The following TMTC1 variants were observed in gnomAD, a reference collection of about 807,000 sequenced individuals.
The protein encoded by TMTC1 is transmembrane O-mannosyltransferase targeting cadherins 1, also known as protein O-mannosyl-transferase TMTC1.
TMTC1 carries 73 observed loss-of-function variants against 104.8 expected under a neutral mutation model. The ratio of observed to expected loss-of-function variants is 0.70; its 90% confidence interval spans 0.58 to 0.85. The LOEUF is 0.85. Ranked by LOEUF, TMTC1 falls within the 40% of genes least tolerant of loss-of-function variation. The pLI is 0.00. For missense variants in TMTC1, 1,035 were observed against 1,096.1 expected, an observed-to-expected ratio of 0.94 and a Z score of 0.79; for synonymous variants, 434 against 428.7, an observed-to-expected ratio of 1.01 and a Z score of -0.15.
intron 5 of TMTC1, among the ~76,000 whole-genome samples, chr12:29,736,102 G>A (rs1315739952): frequency 6.6e-6 from 1 of 151,998 alleles, no homozygotes; most frequent in East Asian, 1.9e-4. Context: ...TAAGGGTGAA[G>A]CATAATTTAC....
At chr12:29,682,980 GA>G (rs1940971178) in intron 5 of TMTC1, among the ~76,000 whole-genome samples, 1 of 152,302 alleles carries the variant, frequency 6.6e-6, no homozygotes, top group South Asian at 2.1e-4. Context: ...AGGGGATAGA[GA>G]ATCTCTCTCT....
chr12:29,710,739 T>TTATATTTATAATCTAATTATATTA (rs1434255028), intron 5 of TMTC1, among the ~76,000 whole-genome samples: 7 of 139,118 alleles, frequency 5.0e-5, no homozygotes, highest in African/African-American at 1.9e-4. Flanking sequence ...TTAAACGTAT[T>TTATATTTATAATCTAATTATATTA]TATATTTATA....
chr12:29,530,564 G>A (rs1944474216), intron 11 of TMTC1, among the ~76,000 whole-genome samples: 1 of 152,162 alleles, frequency 6.6e-6, no homozygotes, highest in Admixed American at 6.5e-5. Context: ...TACTACGCAT[G>A]TGCAACCCCT....
chr12:29,694,691 G>C (rs1158114193), intron 5 of TMTC1, among the ~76,000 whole-genome samples: 3 of 152,120 alleles, frequency 2.0e-5, no homozygotes, highest in Non-Finnish European at 4.4e-5. Context: ...TGTAATCCCA[G>C]TACTTTGGGA....
intron 7 of TMTC1, 109 bp from the exon 8 acceptor site, chr12:29,583,683 G>C: frequency 1.1e-6 from 1 of 911,410 alleles, no homozygotes; most frequent in Non-Finnish European, 1.6e-6. Flanking sequence ...CTGTGCTAGA[G>C]AAACAAATAG....
At chr12:29,603,370 A>T (rs1160037902) in intron 7 of TMTC1, among the ~76,000 whole-genome samples, 1 of 151,972 alleles carries the variant, frequency 6.6e-6, no homozygotes, top group East Asian at 1.9e-4. Context: ...GAAAGTTCAT[A>T]CTTATAGAAG....
chr12:29,589,225 C>T (rs1035816964), intron 7 of TMTC1, among the ~76,000 whole-genome samples: 5 of 152,200 alleles, frequency 3.3e-5, no homozygotes, highest in Admixed American at 3.3e-4. Flanking sequence ...CTCCAGCCTA[C>T]TTTTCCCCTT....
intron 5 of TMTC1, among the ~76,000 whole-genome samples, chr12:29,747,065 C>T (rs1156541943): frequency 3.9e-5 from 6 of 152,236 alleles, no homozygotes; most frequent in African/African-American, 1.4e-4. Flanking sequence ...CAAGAACTGT[C>T]TTCAATGCCT....
rs192328153 is a variant in TMTC1 at position 29,674,455 on chromosome 12, A to G, written c.939-41119T>C. ...AACAAATGAGTAAAGGAATGCAGCTAGGATTAGTAGAGGAAAAGATTTAAT... is the reference window on the plus strand; with the variant it reads ...AACAAATGAGTAAAGGAATGCAGCTGGGATTAGTAGAGGAAAAGATTTAAT... On this transcript the variant is annotated intron_variant, in intron 5 of 17. Transcript: ENST00000539277. 6.6e-5 allele frequency among the ~76,000 whole-genome samples: 10 copies of G among 152,326 alleles called. No individual in the cohort carries two copies. In the East Asian group the frequency reaches 1.9e-3, roughly 29 times the overall value.
Position 29,751,892 on chromosome 12 carries a change from G to A in TMTC1, c.732-20C>T, listed in dbSNP as rs1438040223. ...TTGCTCCTGTTGTGCATGGAATTGA[G>A]GGAAAACAAAGTCAACCAGAATGAC... On this transcript the variant is annotated intron_variant, in intron 4 of 17. Coordinates refer to ENST00000539277, the MANE Select transcript of TMTC1 (RefSeq NM_001193451.2). The A allele has an allele frequency of 1.3e-6, 2 of 1,520,566 alleles. No individual in the cohort carries two copies. The highest frequency in any genetic ancestry group is 2.5e-5 in the East Asian group (1 of 40,742). The allele number at this position is 1,520,566 out of a possible 1,614,324, so 94.2% of individuals were successfully genotyped here. A position where few individuals can be genotyped will look rare whatever the true frequency, so the allele number is the denominator to read the frequency against.
At chr12:29,761,702 G>A (rs1798820306) in intron 2 of TMTC1, among the ~76,000 whole-genome samples, 1 of 152,058 alleles carries the variant, frequency 6.6e-6, no homozygotes. Flanking sequence ...TCAAAAGGGA[G>A]ATGAACTGGG....
chr12:29,565,121 G>A (rs2136282326), intron 9 of TMTC1, among the ~76,000 whole-genome samples: 1 of 152,246 alleles, frequency 6.6e-6, no homozygotes, highest in South Asian at 2.1e-4. Context: ...AAATCTGCAG[G>A]GTAGGCGGCA....
chr12:29,630,393 A>T (rs1359651572), intron 6 of TMTC1, among the ~76,000 whole-genome samples: 2 of 152,166 alleles, frequency 1.3e-5, no homozygotes, highest in Non-Finnish European at 2.9e-5. Flanking sequence ...AGATCTCGTG[A>T]GAACTCTCTC....
chr12:29,560,141 T>C (rs1429504575), intron 9 of TMTC1, among the ~76,000 whole-genome samples: 1 of 152,198 alleles, frequency 6.6e-6, no homozygotes, highest in African/African-American at 2.4e-5. Flanking sequence ...ATTGTCGGAA[T>C]AAATTAAGTC....
chr12:29,599,278 A>G (rs1424136081), intron 7 of TMTC1, among the ~76,000 whole-genome samples: 1 of 152,244 alleles, frequency 6.6e-6, no homozygotes, highest in African/African-American at 2.4e-5. Flanking sequence ...TAAAAGAATG[A>G]TTTCAGCCCC....
intron 5 of TMTC1, among the ~76,000 whole-genome samples, chr12:29,735,270 A>G (rs1942641694): frequency 6.6e-6 from 1 of 152,178 alleles, no homozygotes; most frequent in Non-Finnish European, 1.5e-5. Flanking sequence ...AGAGTGAATT[A>G]AGACTCAGGA....
chr12:29,511,760 G>A (rs551862600), intron 17 of TMTC1, among the ~76,000 whole-genome samples: 1 of 152,116 alleles, frequency 6.6e-6, no homozygotes, highest in Non-Finnish European at 1.5e-5. Context: ...ACCTGCTGTG[G>A]GATACTTCCA....
rs1260037288 is a variant in TMTC1 at position 29,521,348 on chromosome 12, A to T, written c.1786-628T>A. On this transcript the variant is annotated intron_variant, in intron 11 of 17. Coordinates refer to ENST00000539277, the MANE Select transcript of TMTC1 (RefSeq NM_001193451.2). Reference sequence around the variant, plus strand: ...GGTGGCTACTTCCCATACTCAGTCCATGCTTTCCACCTCTGAGCTGCTCCC... The same window carrying T: ...GGTGGCTACTTCCCATACTCAGTCCTTGCTTTCCACCTCTGAGCTGCTCCC... Among the ~76,000 whole-genome samples, 6 of 152,056 alleles carry T rather than the reference A, an allele frequency of 3.9e-5. No homozygotes were observed. The East Asian group carries it at 7.7e-4, about 20-fold the overall frequency.
At chr12:29,582,454 C>T (rs1946008248) in intron 8 of TMTC1, among the ~76,000 whole-genome samples, 1 of 152,216 alleles carries the variant, frequency 6.6e-6, no homozygotes, top group South Asian at 2.1e-4. Flanking sequence ...TGTGACTAAT[C>T]TTAAGTTCAG....
Sources: allele counts gnomAD v4.1 joint callset (sites outside exome capture counted in the v4.1 genomes callset), GRCh38; gene constraint gnomAD v4.1.1; transcripts MANE v1.5; gene names NCBI Gene and HGNC (gene_info 2026-07-23, HGNC 2026-07-21).